Variants in MAP3K20 observed in about 807,000 individuals in gnomAD.
MAP3K20 encodes the protein HCCS-4.
Under a neutral mutation model 85.7 loss-of-function variants are expected in MAP3K20, and 40 were observed. The ratio of observed to expected loss-of-function variants is 0.47; its 90% confidence interval spans 0.36 to 0.61. The LOEUF is 0.61. Among genes scored for constraint, MAP3K20 ranks in the 20% least tolerant of loss-of-function variants. The pLI is 0.00. For missense variants in MAP3K20, 817 were observed against 961.7 expected, an observed-to-expected ratio of 0.85 and a Z score of 1.99; for synonymous variants, 325 against 327.7, an observed-to-expected ratio of 0.99 and a Z score of 0.09.
intron 14 of MAP3K20, among the ~76,000 whole-genome samples, chr2:173,236,628 T>C (rs2106335063): frequency 6.6e-6 from 1 of 152,234 alleles, no homozygotes; most frequent in African/African-American, 2.4e-5. Context: ...GCTGGGGCTG[T>C]ATGTAAGAAT....
chr2:173,225,609 C>A (rs112539647), intron 11 of MAP3K20: 15,199 of 791,472 alleles, frequency 0.019, 110 homozygotes, highest in South Asian at 0.044. Flanking sequence ...AAAAAAAAAA[C>A]AAAAAAAAAC....
At chr2:173,108,794 G>A (rs531501224) in intron 2 of MAP3K20, among the ~76,000 whole-genome samples, 14 of 152,304 alleles carry the variant, frequency 9.2e-5, no homozygotes, top group African/African-American at 3.4e-4. Flanking sequence ...AAGTGCATGT[G>A]CATATGTATT....
intron 2 of MAP3K20, among the ~76,000 whole-genome samples, chr2:173,140,577 C>T (rs1688942703): frequency 6.6e-6 from 1 of 152,034 alleles, no homozygotes; most frequent in South Asian, 2.1e-4. Flanking sequence ...CTCGAACTCC[C>T]AACCTCAGGT....
chr2:173,134,414 A>AT (rs1290040694), intron 2 of MAP3K20, among the ~76,000 whole-genome samples: 68 of 6,112 alleles, frequency 0.011, 1 homozygote, highest in Non-Finnish European at 0.02. Context: ...ATATATATAT[A>AT]TATATATATA....
chr2:173,188,681 C>T (rs1288899948), intron 5 of MAP3K20, among the ~76,000 whole-genome samples: 3 of 151,994 alleles, frequency 2.0e-5, no homozygotes, highest in African/African-American at 7.3e-5. Flanking sequence ...TATCAGTAGT[C>T]CAGGTTGGAC....
intron 10 of MAP3K20, among the ~76,000 whole-genome samples, chr2:173,214,809 A>G (rs1684020899): frequency 6.6e-6 from 1 of 152,204 alleles, no homozygotes; most frequent in Non-Finnish European, 1.5e-5. Flanking sequence ...AGAAGTTTAT[A>G]TAAATATATC....
chr2:173,083,541 T>TA (rs969882513), intron 1 of MAP3K20, among the ~76,000 whole-genome samples: 23 of 150,650 alleles, frequency 1.5e-4, no homozygotes, highest in East Asian at 1.2e-3. Context: ...TTTTAGTGAT[T>TA]AAAAAAAAAT....
chr2:173,115,799 C>G (rs982580525), intron 2 of MAP3K20, among the ~76,000 whole-genome samples: 1 of 152,106 alleles, frequency 6.6e-6, no homozygotes, highest in Admixed American at 6.5e-5. Flanking sequence ...GATCCCAGCA[C>G]CTGTTCTGGT....
chr2:173,232,586 C>G (rs1574141481), intron 14 of MAP3K20, 127 bp downstream of exon 14: 7 of 1,385,298 alleles, frequency 5.1e-6, no homozygotes, highest in East Asian at 2.3e-5. Context: ...TCGTTGCACC[C>G]TCCGCCTCCT....
intron 8 of MAP3K20, among the ~76,000 whole-genome samples, chr2:173,201,518 T>C (rs1691061491): frequency 6.6e-6 from 1 of 152,134 alleles, no homozygotes; most frequent in African/African-American, 2.4e-5. Flanking sequence ...TTGACTATAC[T>C]TTAGAAAAAG....
intron 16 of MAP3K20, among the ~76,000 whole-genome samples, chr2:173,250,638 A>C (rs1487644977): frequency 6.6e-6 from 1 of 152,216 alleles, no homozygotes; most frequent in East Asian, 1.9e-4. Flanking sequence ...TGCCAAGTGA[A>C]AGGTGCTGAA....
At chr2:173,197,896 C>T in intron 7 of MAP3K20, 130 bp from the exon 8 acceptor site, 12 of 591,222 alleles carry the variant, frequency 2.0e-5, no homozygotes, top group South Asian at 5.4e-5. Context: ...ATTGTTTTGC[C>T]CAAGTTTCTA....
Position 173,238,308 on chromosome 2 carries a change from C to A in MAP3K20, c.1204-65C>A, listed in dbSNP as rs1021119682. The A allele has an allele frequency of 3.4e-5, 47 of 1,389,352 alleles. No individual in the cohort carries two copies. In the African/African-American group the frequency reaches 6.5e-4, roughly 19 times the overall value. 86.1% of individuals were successfully genotyped at this position (1,389,352 alleles called of 1,614,324 possible). ...AATAAGGAATGTTTTTGTTTGTACC[C>A]AATGATTTTAGTCTTCTCTTGGTAT... On this transcript the variant is annotated intron_variant, in intron 14 of 19. Coordinates refer to ENST00000375213, the MANE Select transcript of MAP3K20 (RefSeq NM_016653.3).
At chr2:173,222,654 A>C in intron 11 of MAP3K20, 1 of 985,096 alleles carries the variant, frequency 1.0e-6, no homozygotes, top group Non-Finnish European at 1.2e-6. Context: ...TTTAAAGAGG[A>C]AATTAAATAT....
At chr2:173,226,294 A>AG (rs1293815536) in intron 11 of MAP3K20, 2 of 985,264 alleles carry the variant, frequency 2.0e-6, no homozygotes, top group Admixed American at 1.2e-4. Flanking sequence ...GTTTTATGAA[A>AG]GACAGTTTTA....
chr2:173,150,543 C>T (rs912524392), intron 2 of MAP3K20, among the ~76,000 whole-genome samples: 1 of 152,076 alleles, frequency 6.6e-6, no homozygotes, highest in African/African-American at 2.4e-5. Context: ...TCTGTGTATC[C>T]GAGTTCAGTT....
chr2:173,152,630 G>T lies in MAP3K20; in HGVS notation c.160-17175G>T, dbSNP rs116017789. Among the ~76,000 whole-genome samples the T allele has an allele frequency of 3.5e-3, 533 of 152,232 alleles. 3 individuals carry two copies. Among genetic ancestry groups the T allele is most frequent in the African/African-American group, 0.012 (482 of 41,536 alleles). ...TTAAGTAGAGTGACAGTCAGATTAA[G>T]GACACCCCGCTGAATCTTCAAGCAA... On this transcript the variant is annotated intron_variant, in intron 2 of 19. Coordinates refer to ENST00000375213, the MANE Select transcript of MAP3K20 (RefSeq NM_016653.3).
intron 18 of MAP3K20, among the ~76,000 whole-genome samples, chr2:173,261,912 G>A (rs1685303091): frequency 6.6e-6 from 1 of 151,922 alleles, no homozygotes; most frequent in African/African-American, 2.4e-5. Context: ...AGCTACTCGG[G>A]AGGTTGAAGT....
At chr2:173,203,244 T>G (rs1257713772) in intron 8 of MAP3K20, among the ~76,000 whole-genome samples, 2 of 152,166 alleles carry the variant, frequency 1.3e-5, no homozygotes, top group African/African-American at 4.8e-5. Flanking sequence ...TAATTTTTGT[T>G]GTATCGGGTC....
Sources: gnomAD v4.1 joint callset for allele counts (sites outside exome capture counted in the v4.1 genomes callset) on GRCh38, gnomAD v4.1.1 for gene constraint, MANE v1.5 for transcripts, NCBI Gene and HGNC (gene_info 2026-07-23, HGNC 2026-07-21) for gene names.